Variants in DCUN1D2 observed in about 807,000 individuals in gnomAD.
DCUN1D2 encodes the protein DCN1-like protein 2.
DCUN1D2 carries 29 observed loss-of-function variants against 30.9 expected under a neutral mutation model. That is an observed-to-expected ratio of 0.94 (90% CI 0.70 to 1.28). The LOEUF (loss-of-function observed/expected upper bound fraction) is 1.28, where lower values mean the gene tolerates loss of function less well. DCUN1D2 is among the 50% of genes most tolerant of loss of function. The probability of loss-of-function intolerance (pLI) is 0.00; values close to 1 mark genes in which losing one functional copy is unlikely to be tolerated. For missense variants in DCUN1D2, 325 were observed against 316.9 expected, an observed-to-expected ratio of 1.03 and a Z score of -0.19; for synonymous variants, 121 against 115.3, an observed-to-expected ratio of 1.05 and a Z score of -0.32.
intron 3 of DCUN1D2, among the ~76,000 whole-genome samples, chr13:113,477,890 T>C (rs193027106): frequency 4.4e-4 from 67 of 152,278 alleles, no homozygotes; most frequent in African/African-American, 1.6e-3. Flanking sequence ...CCTGGGCTTA[T>C]CGTCTTGGGT....
At chr13:113,485,221 C>T (rs780243910) in intron 1 of DCUN1D2, among the ~76,000 whole-genome samples, 3 of 152,158 alleles carry the variant, frequency 2.0e-5, no homozygotes, top group Non-Finnish European at 2.9e-5. Flanking sequence ...ATGCTTTACA[C>T]AATAATATAA....
chr13:113,462,741 G>A, intron 4 of DCUN1D2: 1 of 1,032,442 alleles, frequency 9.7e-7, no homozygotes, highest in South Asian at 3.3e-5. Flanking sequence ...AGACCTTACC[G>A]ATGGGACCCG....
chr13:113,458,180 C>T, intron 6 of DCUN1D2, 72 bp from the exon 7 acceptor site: 1 of 1,259,930 alleles, frequency 7.9e-7, no homozygotes, highest in Non-Finnish European at 1.2e-6. Context: ...AGTCACACAT[C>T]AATCCAACAT....
At chr13:113,462,406 AAGTT>A (rs748986011) in intron 4 of DCUN1D2, among the ~76,000 whole-genome samples, 3 of 152,206 alleles carry the variant, frequency 2.0e-5, no homozygotes, top group South Asian at 2.1e-4. Context: ...AGATTAATAA[AAGTT>A]AGGTAATATG....
intron 4 of DCUN1D2, among the ~76,000 whole-genome samples, 162 bp from the exon 5 acceptor site, chr13:113,461,298 T>C (rs2044314328): frequency 1.3e-5 from 2 of 152,258 alleles, no homozygotes; most frequent in Non-Finnish European, 2.9e-5. Context: ...CTGAGAACTG[T>C]ACGTAGTCTA....
At chr13:113,472,447 A>G (rs1354641295) in intron 4 of DCUN1D2, among the ~76,000 whole-genome samples, 1 of 152,202 alleles carries the variant, frequency 6.6e-6, no homozygotes. Flanking sequence ...TGACTGGACG[A>G]GCCCAGGGCA....
chr13:113,466,647 A>G (rs7333340), intron 4 of DCUN1D2, among the ~76,000 whole-genome samples: 68,603 of 151,922 alleles, frequency 0.45, 18,543 homozygotes, highest in African/African-American at 0.76. Context: ...CTCAGTCTCC[A>G]TGGCTGGTAC....
chr13:113,490,614 G>T lies in DCUN1D2; in HGVS notation c.3+53C>A, dbSNP rs1204418904. The T allele has an allele frequency of 4.9e-6, 6 of 1,218,448 alleles. No homozygotes were observed. Among genetic ancestry groups the T allele is most frequent in the Admixed American group, 4.4e-5 (1 of 22,544 alleles). The allele number at this position is 1,218,448 out of a possible 1,614,324, so 75.5% of individuals were successfully genotyped here. A position where few individuals can be genotyped will look rare whatever the true frequency, so the allele number is the denominator to read the frequency against. On this transcript the variant is annotated intron_variant, in intron 1 of 6. Transcript: ENST00000478244. The surrounding 1 kb of genome is among the most constrained non-coding windows in gnomAD (Gnocchi z 5.2). ...AGCGCGCCGCCTGCGCCGACCTTGG[G>T]GCCCGACCCCGACCCCGACCCCGAC... is the stretch of plus-strand genomic sequence containing the variant.
intron 4 of DCUN1D2, among the ~76,000 whole-genome samples, chr13:113,469,711 T>C (rs1175358971): frequency 1.4e-5 from 2 of 147,558 alleles, no homozygotes; most frequent in African/African-American, 4.9e-5. Flanking sequence ...TGGTGGCTCA[T>C]GTCTGTAATC....
intron 4 of DCUN1D2, among the ~76,000 whole-genome samples, chr13:113,472,938 C>CAGACA (rs2044547637): frequency 6.6e-6 from 1 of 151,900 alleles, no homozygotes; most frequent in Admixed American, 6.6e-5. Flanking sequence ...CCGTCTCTCT[C>CAGACA]CCGTGTCCCC....
chr13:113,466,592 C>A (rs934668035), intron 4 of DCUN1D2, among the ~76,000 whole-genome samples: 18 of 152,102 alleles, frequency 1.2e-4, no homozygotes, highest in Non-Finnish European at 1.5e-5. Context: ...ACTTAAATTT[C>A]AGCGTAGGTT....
rs373915351 is a variant in DCUN1D2, at chr13:113,477,087, T to A, written c.390-2833A>T. Among the ~76,000 whole-genome samples the A allele has an allele frequency of 3.9e-5, 6 of 152,336 alleles. No individual in the cohort carries two copies. The East Asian group carries it at 1.2e-3, about 29-fold the overall frequency. ...TCCAATTATCTGGTACAGCAAATCT[T>A]CCCATCTTGTTCTTTTTCTTCAAGA... is the stretch of plus-strand genomic sequence containing the variant. On this transcript the variant is annotated intron_variant, in intron 3 of 6. Transcript: ENST00000478244.
intron 6 of DCUN1D2, among the ~76,000 whole-genome samples, chr13:113,458,849 G>A (rs2044270910): frequency 6.6e-6 from 1 of 152,204 alleles, no homozygotes; most frequent in African/African-American, 2.4e-5. Context: ...CTCTAAGGTG[G>A]CAGCGTGCCC....
intron 1 of DCUN1D2, among the ~76,000 whole-genome samples, chr13:113,484,671 T>C (rs1038282847): frequency 2.0e-5 from 3 of 151,850 alleles, no homozygotes; most frequent in African/African-American, 7.3e-5. Flanking sequence ...AGAAATAAAA[T>C]GAAAAAATAG....
At chr13:113,460,009 G>A (rs1279495093) in intron 5 of DCUN1D2, among the ~76,000 whole-genome samples, 1 of 152,236 alleles carries the variant, frequency 6.6e-6, no homozygotes, top group East Asian at 1.9e-4. Flanking sequence ...ACGCACAAGA[G>A]CGTGAGGTTC....
At chr13:113,470,595 G>GA (rs1014029588) in intron 4 of DCUN1D2, among the ~76,000 whole-genome samples, 1 of 127,386 alleles carries the variant, frequency 7.9e-6, no homozygotes, top group African/African-American at 3.0e-5. Context: ...CCCAACTCCA[G>GA]AAGACCCAAC....
At position 113,490,469 on chromosome 13, in the gene DCUN1D2, G is replaced by A; in HGVS notation, c.3+198C>T. 4 of 511,004 alleles carry A rather than the reference G, an allele frequency of 7.8e-6. No individual in the cohort carries two copies. Among genetic ancestry groups the A allele is most frequent in the South Asian group, 3.6e-5 (1 of 27,542 alleles). 31.7% of individuals were successfully genotyped at this position (511,004 alleles called of 1,614,324 possible). A position where few individuals can be genotyped will look rare whatever the true frequency, so the allele number is the denominator to read the frequency against. On this transcript the variant is annotated intron_variant, in intron 1 of 6. Transcript: ENST00000478244. This position sits in a 1 kb window ranked among gnomAD's most constrained non-coding sequence, Gnocchi z 5.2. Reference sequence around the variant, plus strand: ...CCTCGCGGCTCCGGGTCAAACCCGCGCTCCCCGCGGTCCCGCGCCTCCGAC... The same window carrying A: ...CCTCGCGGCTCCGGGTCAAACCCGCACTCCCCGCGGTCCCGCGCCTCCGAC...
At chr13:113,490,722 C>T (rs1304080010), upstream of DCUN1D2, 1 of 1,184,514 alleles carries the variant, frequency 8.4e-7, no homozygotes. The surrounding 1 kb of genome is among the most constrained non-coding windows in gnomAD (Gnocchi z 5.2). Context: ...GCAGGCGCGG[C>T]GGCGGCTCCG....
chr13:113,472,597 G>A (rs1052224163), intron 4 of DCUN1D2, among the ~76,000 whole-genome samples: 2 of 152,174 alleles, frequency 1.3e-5, no homozygotes, highest in Admixed American at 6.5e-5. Flanking sequence ...GAGGTCATCC[G>A]GCCTTTCTGA....
Sources: allele counts gnomAD v4.1 joint callset (sites outside exome capture counted in the v4.1 genomes callset), GRCh38; gene constraint gnomAD v4.1.1; non-coding constraint Gnocchi (gnomAD v3.1); transcripts MANE v1.5; gene names NCBI Gene and HGNC (gene_info 2026-07-23, HGNC 2026-07-21).